Variants in TET2 observed in about 807,000 individuals in gnomAD.
The protein encoded by TET2 is methylcytosine dioxygenase TET2.
In TET2, 299 loss-of-function variants were observed where a neutral mutation model predicts 142.9. The observed-to-expected ratio is 2.09, with a 90% CI of 1.90 to 2.30. TET2 has a LOEUF of 2.30. Among genes scored for constraint, TET2 ranks in the 30% most tolerant of loss-of-function variants. The pLI, the probability that TET2 is intolerant of heterozygous loss-of-function variation, is 0.00. For missense variants in TET2, 2,418 were observed against 2,378.0 expected (o/e 1.02, Z -0.35); for synonymous variants, 819 against 849.0 (o/e 0.96, Z 0.61).
Position 105,234,748 on chromosome 4 carries a change from A to T in TET2, c.806A>T (p.His269Leu), listed in dbSNP as rs1173572467. ...TCCTGTGAGATCACTCACCCATCGC[A>T]TACCTCAGGGCAGATCAATTCCGCA... Reference protein sequence around the residue: ...ELSCEITHPSHTSGQINSAQT... With the variant: ...ELSCEITHPSLTSGQINSAQT... The change falls in exon 3 of 11, where the codon CAT (histidine) becomes CTT (leucine). Residue 269 changes from histidine to leucine, a missense_variant. Transcript: ENST00000380013. 17 of 1,614,024 alleles carry T rather than the reference A, an allele frequency of 1.1e-5. No individual in the cohort carries two copies. The highest frequency in any genetic ancestry group is 1.4e-5 in the Non-Finnish European group (17 of 1,179,978).
rs184570842 is a variant in TET2 at position 105,195,910 on chromosome 4, A to G, written c.-47+5405A>G. Among the ~76,000 whole-genome samples the G allele has an allele frequency of 2.2e-4, 34 of 152,248 alleles. No individual in the cohort carries two copies. The Middle Eastern group carries it at 0.014, about 61-fold the overall frequency. ...TTAAAATATTTTGACCATCTTCTCA[A>G]GATCTTGACTCCTACCCCCACTTGT... On this transcript the variant is annotated intron_variant, in intron 2 of 10. Transcript: ENST00000380013.
chr4:105,192,991 G>GTAAAA (rs1725872800), intron 2 of TET2, among the ~76,000 whole-genome samples: 1 of 152,124 alleles, frequency 6.6e-6, no homozygotes, highest in Non-Finnish European at 1.5e-5. Flanking sequence ...AGTAGTAAAA[G>GTAAAA]GTTTTATGCA....
Position 105,269,684 on chromosome 4 carries a change from A to G in TET2, c.4119A>G (p.Ala1373=), listed in dbSNP as rs557818132. 3.2e-6 allele frequency: 5 copies of G among 1,551,672 alleles called. No homozygotes were observed. In the East Asian group the frequency reaches 7.3e-5, roughly 23 times the overall value. ...GCCGTCCATTCTCAGGGGTCACTGCATGTTTGGACTTCTGTGCTCATGCCC... is the reference window on the plus strand; with the variant it reads ...GCCGTCCATTCTCAGGGGTCACTGCGTGTTTGGACTTCTGTGCTCATGCCC... The part of the protein sequence containing the change: ...KEGRPFSGVT[A]CLDFCAHAHR... The change falls in exon 9 of 11, where the codon GCA becomes GCG. Residue 1373 remains alanine, a synonymous_variant. Transcript: ENST00000380013.
intron 1 of TET2, among the ~76,000 whole-genome samples, chr4:105,164,986 TA>T (rs1724078107): frequency 6.6e-6 from 1 of 152,232 alleles, no homozygotes; most frequent in African/African-American, 2.4e-5. Context: ...AGGCATGATT[TA>T]AAAAGTACTA....
Position 105,272,688 on chromosome 4 carries a change from A to ATC in TET2, c.4307_4308insTC (p.Glu1436AspfsTer13). ...GAGTTTGGGAGTGTGGAAGCTCAGGAGGAGAAAAAACGGAGTGGTGCCATT... is the reference window on the plus strand; with the variant it reads ...GAGTTTGGGAGTGTGGAAGCTCAGGATCGGAGAAAAAACGGAGTGGTGCCATT... On this transcript the variant is annotated frameshift_variant, in exon 10 of 11. Coordinates refer to ENST00000380013, the MANE Select transcript of TET2 (RefSeq NM_001127208.3). LOFTEE classifies it high-confidence loss of function. 6.4e-7 allele frequency: 1 copy of ATC among 1,551,724 alleles called. No homozygotes were observed. Among genetic ancestry groups the ATC allele is most frequent in the East Asian group, 2.4e-5 (1 of 40,914 alleles).
intron 6 of TET2, among the ~76,000 whole-genome samples, chr4:105,259,154 G>A (rs1457979120): frequency 1.3e-5 from 2 of 152,198 alleles, no homozygotes; most frequent in Non-Finnish European, 2.9e-5. Flanking sequence ...GGGAGGCTGA[G>A]GCGGGAAGAT....
intron 6 of TET2, among the ~76,000 whole-genome samples, chr4:105,259,155 G>A (rs914740224): frequency 6.6e-6 from 1 of 152,186 alleles, no homozygotes; most frequent in African/African-American, 2.4e-5. Context: ...GGAGGCTGAG[G>A]CGGGAAGATC....
At chr4:105,175,172 C>A (rs967148177) in intron 1 of TET2, among the ~76,000 whole-genome samples, 3 of 152,034 alleles carry the variant, frequency 2.0e-5, no homozygotes, top group Non-Finnish European at 4.4e-5. Context: ...GTCTGTCATT[C>A]AACCAAAAAA....
In TET2 at chr4:105,175,155, A is replaced by G. The variant is rs73836033; in HGVS notation, c.-192-15205A>G. Among the ~76,000 whole-genome samples the G allele has an allele frequency of 4.2e-3, 635 of 152,296 alleles. 3 individuals are homozygous for G. Among genetic ancestry groups the G allele is most frequent in the South Asian group, 0.018 (89 of 4,826 alleles). On this transcript the variant is annotated intron_variant, in intron 1 of 10. Coordinates refer to ENST00000380013, the MANE Select transcript of TET2 (RefSeq NM_001127208.3). ...TTTGCAGCAGTTTCTTTTACTGAGTATATCATGTCTGTCATTCAACCAAAA... is the reference window on the plus strand; with the variant it reads ...TTTGCAGCAGTTTCTTTTACTGAGTGTATCATGTCTGTCATTCAACCAAAA...
chr4:105,242,300 C>CTT (rs1157891817), intron 4 of TET2: 1 of 1,078,510 alleles, frequency 9.3e-7, no homozygotes, highest in East Asian at 5.1e-5. Context: ...GTTTTTTAAA[C>CTT]AAGCAGTAGG....
intron 2 of TET2, among the ~76,000 whole-genome samples, chr4:105,232,530 G>C (rs1728567562): frequency 6.6e-6 from 1 of 152,160 alleles, no homozygotes; most frequent in African/African-American, 2.4e-5. Context: ...AATTCTTTTA[G>C]AGAGTCAAAG....
Position 105,222,225 on chromosome 4 carries a change from A to T in TET2, c.-46-11672A>T, listed in dbSNP as rs569948555. On this transcript the variant is annotated intron_variant, in intron 2 of 10. Transcript: ENST00000380013. Reference sequence around the variant, plus strand: ...CATGATTTATAGTCCTTTGGGTATAAACCCAGTAATGGGATGGCTCAGTCA... The same window carrying T: ...CATGATTTATAGTCCTTTGGGTATATACCCAGTAATGGGATGGCTCAGTCA... Among the ~76,000 whole-genome samples, 479 of 152,264 alleles carry T rather than the reference A, an allele frequency of 3.1e-3. 5 individuals are homozygous for T. The highest frequency in any genetic ancestry group is 7.6e-3 in the African/African-American group (314 of 41,552).
At chr4:105,148,334 A>G (rs1442663180) in intron 1 of TET2, among the ~76,000 whole-genome samples, 1 of 152,198 alleles carries the variant, frequency 6.6e-6, no homozygotes, top group Non-Finnish European at 1.5e-5. Flanking sequence ...CTTATTTTCC[A>G]GCGGTAAAAT....
At chr4:105,240,482 C>G in intron 3 of TET2, 1 of 1,077,080 alleles carries the variant, frequency 9.3e-7, no homozygotes, top group Non-Finnish European at 1.1e-6. Flanking sequence ...TTTGAAAAGA[C>G]AAATGTTAAA....
At chr4:105,173,458 A>AG (rs1233688352) in intron 1 of TET2, among the ~76,000 whole-genome samples, 1 of 151,898 alleles carries the variant, frequency 6.6e-6, no homozygotes, top group East Asian at 1.9e-4. Context: ...GATTGAACCC[A>AG]GGAGGTGGAG....
chr4:105,225,185 C>CGT (rs79864807), intron 2 of TET2, among the ~76,000 whole-genome samples: 4,071 of 147,188 alleles, frequency 0.028, 101 homozygotes, highest in South Asian at 0.096. Flanking sequence ...AGTAAAAAAT[C>CGT]GTGTGTGTGT....
intron 1 of TET2, among the ~76,000 whole-genome samples, chr4:105,169,573 C>T (rs1724341418): frequency 2.0e-5 from 3 of 152,106 alleles, no homozygotes; most frequent in Admixed American, 2.0e-4. Context: ...TGCAGAGGCT[C>T]TTTTGTTTAA....
intron 6 of TET2, among the ~76,000 whole-genome samples, chr4:105,247,753 G>A (rs1425095704): frequency 3.5e-5 from 4 of 113,956 alleles, no homozygotes; most frequent in Non-Finnish European, 4.9e-5. Flanking sequence ...ACAGGCTCTC[G>A]CTCTGTCGCT....
intron 2 of TET2, among the ~76,000 whole-genome samples, chr4:105,228,040 C>A (rs1269188923): frequency 6.6e-6 from 1 of 152,124 alleles, no homozygotes; most frequent in Non-Finnish European, 1.5e-5. Context: ...TCATTTCCTT[C>A]TCTTTTATTA....
Sources: gnomAD v4.1 joint callset for allele counts (sites outside exome capture counted in the v4.1 genomes callset) on GRCh38, gnomAD v4.1.1 for gene constraint, MANE v1.5 for transcripts, NCBI Gene and HGNC (gene_info 2026-07-23, HGNC 2026-07-21) for gene names.